The following PLCH1 variants were observed in gnomAD, a reference collection of about 807,000 sequenced individuals.
The protein encoded by PLCH1 is 1-phosphatidylinositol 4,5-bisphosphate phosphodiesterase eta-1.
Under a neutral mutation model 126.7 loss-of-function variants are expected in PLCH1, and 60 were observed. The observed-to-expected ratio is 0.47, with a 90% CI of 0.38 to 0.59. The LOEUF (loss-of-function observed/expected upper bound fraction) is 0.59, where lower values mean the gene tolerates loss of function less well. Ranked by LOEUF, PLCH1 falls within the 20% of genes least tolerant of loss-of-function variation. PLCH1 has a pLI of 0.00. For missense variants in PLCH1, 1,723 were observed against 2,040.0 expected, an observed-to-expected ratio of 0.84 and a Z score of 2.99; for synonymous variants, 719 against 734.9, an observed-to-expected ratio of 0.98 and a Z score of 0.35.
downstream of PLCH1, among the ~76,000 whole-genome samples, chr3:155,479,560 G>GACC (rs1351443904): frequency 2.5e-4 from 38 of 149,842 alleles, 1 homozygote; most frequent in East Asian, 7.8e-4. Context: ...CCCCACCCAC[G>GACC]ACCACCACCA....
intron 21 of PLCH1, chr3:155,487,241 T>C (rs1018022672): frequency 2.6e-5 from 4 of 152,332 alleles, no homozygotes; most frequent in African/African-American, 2.4e-5. Context: ...TATATATTTA[T>C]TTATGAGATA....
chr3:155,628,129 T>C (rs946006068), intron 2 of PLCH1, among the ~76,000 whole-genome samples: 13 of 152,098 alleles, frequency 8.5e-5, no homozygotes, highest in Non-Finnish European at 1.5e-5. Flanking sequence ...TGATTCTATT[T>C]GAGTTATTTC....
At chr3:155,502,359 A>G (rs1718031596) in intron 13 of PLCH1, among the ~76,000 whole-genome samples, 4 of 152,330 alleles carry the variant, frequency 2.6e-5, no homozygotes, top group South Asian at 2.1e-4. Flanking sequence ...AATACTGTCA[A>G]TATTTATTAA....
At chr3:155,716,770 C>A (rs1452042047) in intron 1 of PLCH1, among the ~76,000 whole-genome samples, 1 of 152,186 alleles carries the variant, frequency 6.6e-6, no homozygotes, top group Non-Finnish European at 1.5e-5. Flanking sequence ...GACATGTATT[C>A]AAACTATATC....
rs772397831 is a variant in PLCH1, at chr3:155,482,560, G to A, written c.3466C>T (p.Pro1156Ser). 3.1e-6 allele frequency: 5 copies of A among 1,614,176 alleles called. No individual in the cohort carries two copies. The East Asian group carries it at 1.1e-4, about 36-fold the overall frequency. ...AGAATTGCAGTTGAATGTAGGTCAGGTATGTCAGAACAGAGCATGGAGACG... is the reference window on the plus strand; with the variant it reads ...AGAATTGCAGTTGAATGTAGGTCAGATATGTCAGAACAGAGCATGGAGACG... ...SDVSMLCSDI[P>S]DLHSTAILQE... The change falls in exon 23 of 23, where the codon CCT becomes TCT. Residue 1156 changes from proline (P) to serine (S), a missense_variant. Around this residue, in one of 2 missense-constraint regions of PLCH1, gnomAD observed 947 missense variants for 977.1 expected, o/e 0.97. Transcript: ENST00000460012.
At chr3:155,575,960 A>G (rs1729889551) in intron 6 of PLCH1, among the ~76,000 whole-genome samples, 1 of 152,158 alleles carries the variant, frequency 6.6e-6, no homozygotes. Context: ...GGATTTTCCA[A>G]CTATATAAAG....
chr3:155,651,811 C>T (rs1740744287), intron 2 of PLCH1, among the ~76,000 whole-genome samples: 1 of 152,104 alleles, frequency 6.6e-6, no homozygotes, highest in Non-Finnish European at 1.5e-5. Flanking sequence ...TTAGATGTTC[C>T]AATTATTTTC....
At position 155,555,125 on chromosome 3, in the gene PLCH1, G is replaced by C. The variant is rs115741385; in HGVS notation, c.1070-929C>G. The stretch of plus-strand genomic sequence containing the variant: ...CACAGCATCCAACACAGAGAAGTAA[G>C]TAGTCTGTAAATATATGCTAAATGG... On this transcript the variant is annotated intron_variant, in intron 8 of 22. Transcript: ENST00000460012. Among the ~76,000 whole-genome samples the C allele has an allele frequency of 5.6e-3, 857 of 152,352 alleles. 8 individuals carry two copies. Among genetic ancestry groups the C allele is most frequent in the African/African-American group, 0.019 (805 of 41,582 alleles).
chr3:155,690,342 A>G (rs1745277992), intron 2 of PLCH1, among the ~76,000 whole-genome samples: 1 of 152,252 alleles, frequency 6.6e-6, no homozygotes, highest in South Asian at 2.1e-4. Context: ...GACTTTGTTC[A>G]AAGGAAGAGG....
At chr3:155,627,652 TG>T (rs1366736411) in intron 2 of PLCH1, among the ~76,000 whole-genome samples, 1 of 151,096 alleles carries the variant, frequency 6.6e-6, no homozygotes, top group East Asian at 1.9e-4. Flanking sequence ...AAAAACAAAT[TG>T]AAAAAAATCT....
chr3:155,638,212 T>A (rs1013246853), intron 2 of PLCH1, among the ~76,000 whole-genome samples: 3 of 152,210 alleles, frequency 2.0e-5, no homozygotes, highest in Admixed American at 6.5e-5. Context: ...AGAATATGAT[T>A]TCAAATATTC....
intron 22 of PLCH1, among the ~76,000 whole-genome samples, chr3:155,485,123 T>C (rs1714835015): frequency 6.6e-6 from 1 of 152,156 alleles, no homozygotes; most frequent in Admixed American, 6.5e-5. Flanking sequence ...GGCTCCCCTA[T>C]CCCTCACTGT....
At chr3:155,469,331 T>C (rs1055974946) in intron 21 of PLCH1, among the ~76,000 whole-genome samples, 2 of 151,958 alleles carry the variant, frequency 1.3e-5, no homozygotes, top group African/African-American at 4.8e-5. Context: ...ACCTGGAAAA[T>C]CAGGTCACTC....
At chr3:155,727,519 C>T (rs1010529904) in intron 1 of PLCH1, among the ~76,000 whole-genome samples, 5 of 152,010 alleles carry the variant, frequency 3.3e-5, no homozygotes, top group Admixed American at 1.3e-4. Flanking sequence ...TCCTGCGTAG[C>T]TGAAATTACA....
chr3:155,531,883 C>T (rs560826283), intron 10 of PLCH1, among the ~76,000 whole-genome samples: 11 of 152,328 alleles, frequency 7.2e-5, no homozygotes, highest in East Asian at 1.9e-4. Flanking sequence ...TTTGGCTTAA[C>T]GGAATGTTGT....
intron 1 of PLCH1, among the ~76,000 whole-genome samples, chr3:155,719,882 G>A (rs1290167105): frequency 6.6e-6 from 1 of 151,566 alleles, no homozygotes. Context: ...TGCAACTTCC[G>A]CCTCTCGAGC....
At chr3:155,544,619 T>C (rs1420356137) in intron 10 of PLCH1, among the ~76,000 whole-genome samples, 1 of 152,144 alleles carries the variant, frequency 6.6e-6, no homozygotes, top group African/African-American at 2.4e-5. Context: ...TATTCCAAAA[T>C]TGACCACATA....
At chr3:155,723,436 C>G (rs886454686) in intron 1 of PLCH1, among the ~76,000 whole-genome samples, 1 of 151,778 alleles carries the variant, frequency 6.6e-6, no homozygotes, top group Non-Finnish European at 1.5e-5. Flanking sequence ...TCATTTCCTT[C>G]TGCTCTGATC....
intron 8 of PLCH1, among the ~76,000 whole-genome samples, chr3:155,563,124 C>G (rs1339011891): frequency 1.3e-5 from 2 of 152,176 alleles, no homozygotes; most frequent in Non-Finnish European, 2.9e-5. Context: ...TTGCTGGCTC[C>G]CCTTGTGCTC....
Sources: gnomAD v4.1 joint callset for allele counts (sites outside exome capture counted in the v4.1 genomes callset) on GRCh38, gnomAD v4.1.1 for gene constraint, gnomAD v4.1.1 regional missense constraint, MANE v1.5 for transcripts, NCBI Gene and HGNC (gene_info 2026-07-23, HGNC 2026-07-21) for gene names.